MRPS28: variants seen among roughly 807,000 people sequenced by gnomAD.
MRPS28 encodes the protein mitochondrial ribosomal protein S28.
Under a neutral mutation model 10.8 loss-of-function variants are expected in MRPS28, and 7 were observed. The ratio of observed to expected loss-of-function variants is 0.65; its 90% CI spans 0.37 to 1.22. The LOEUF (loss-of-function observed/expected upper bound fraction) is 1.22, where lower values mean the gene tolerates loss of function less well. Ranked by LOEUF, MRPS28 falls within the 50% of genes most tolerant of loss-of-function variation. The probability of loss-of-function intolerance (pLI) is 0.02; values close to 1 mark genes in which losing one functional copy is unlikely to be tolerated. For missense variants in MRPS28, 265 were observed against 232.9 expected (o/e 1.14, Z -0.90); for synonymous variants, 121 against 93.3 (o/e 1.30, Z -1.71).
intron 2 of MRPS28, among the ~76,000 whole-genome samples, chr8:79,968,930 C>T (rs1310106587): frequency 1.3e-5 from 2 of 151,984 alleles, no homozygotes; most frequent in African/African-American, 4.8e-5. Flanking sequence ...TGTACTTGGA[C>T]AAGTTAATTG....
chr8:79,975,404 T>C (rs557160142), intron 2 of MRPS28, among the ~76,000 whole-genome samples: 1 of 152,256 alleles, frequency 6.6e-6, no homozygotes. Flanking sequence ...AGTATGTAAG[T>C]ATGGTACCCA....
At chr8:80,014,917 G>A (rs993649461) in intron 1 of MRPS28, among the ~76,000 whole-genome samples, 1 of 152,142 alleles carries the variant, frequency 6.6e-6, no homozygotes, top group African/African-American at 2.4e-5. Context: ...TGAGAGGTGG[G>A]GGTCACAGGG....
intron 2 of MRPS28, among the ~76,000 whole-genome samples, chr8:79,990,703 C>G (rs1808337429): frequency 3.3e-5 from 5 of 151,746 alleles, no homozygotes. Context: ...GAGAAAGTCA[C>G]TGTGGGATAG....
At chr8:80,023,709 T>A (rs943943886) in intron 1 of MRPS28, among the ~76,000 whole-genome samples, 8 of 152,218 alleles carry the variant, frequency 5.3e-5, no homozygotes, top group African/African-American at 1.9e-4. Context: ...TTTTCCAATG[T>A]TCTGAAAAGT....
chr8:79,933,444 C>T (rs538864221), intron 2 of MRPS28, among the ~76,000 whole-genome samples: 23 of 152,312 alleles, frequency 1.5e-4, no homozygotes, highest in African/African-American at 4.3e-4. Flanking sequence ...AATACAGTCA[C>T]GCTGGAAACT....
chr8:79,962,060 T>C (rs1188366410), intron 2 of MRPS28, among the ~76,000 whole-genome samples: 1 of 152,118 alleles, frequency 6.6e-6, no homozygotes, highest in African/African-American at 2.4e-5. Context: ...TAGAACATAT[T>C]TAATACTTAA....
intron 1 of MRPS28, among the ~76,000 whole-genome samples, chr8:80,011,952 G>A (rs1252291282): frequency 6.6e-6 from 1 of 152,056 alleles, no homozygotes; most frequent in African/African-American, 2.4e-5. Flanking sequence ...ATAGTAAGTG[G>A]TATTTTCCCC....
chr8:79,964,272 G>A (rs1252671589), intron 2 of MRPS28, among the ~76,000 whole-genome samples: 1 of 152,066 alleles, frequency 6.6e-6, no homozygotes, highest in East Asian at 1.9e-4. Flanking sequence ...ATTGTCCCAA[G>A]CACATACACA....
intron 2 of MRPS28, among the ~76,000 whole-genome samples, chr8:79,987,882 G>T (rs936551836): frequency 2.0e-5 from 3 of 152,164 alleles, no homozygotes; most frequent in African/African-American, 7.2e-5. Flanking sequence ...CAGGGATCTA[G>T]AACTAGAAGT....
intron 2 of MRPS28, among the ~76,000 whole-genome samples, chr8:79,999,479 G>C (rs1808598743): frequency 6.6e-6 from 1 of 152,198 alleles, no homozygotes; most frequent in South Asian, 2.1e-4. Context: ...ATAAGTGACA[G>C]ATCCCTATAA....
intron 1 of MRPS28, among the ~76,000 whole-genome samples, chr8:80,005,360 C>A (rs1808805782): frequency 6.6e-6 from 1 of 152,118 alleles, no homozygotes; most frequent in African/African-American, 2.4e-5. Context: ...GAATTTTCAA[C>A]ACAGAATTTC....
chr8:80,002,262 T>C (rs756576611), intron 2 of MRPS28, among the ~76,000 whole-genome samples: 15 of 152,246 alleles, frequency 9.9e-5, no homozygotes, highest in East Asian at 1.9e-4. Flanking sequence ...TAAAATACCA[T>C]TGATTACTAG....
At chr8:79,925,461 T>G (rs1476135276) in intron 2 of MRPS28, among the ~76,000 whole-genome samples, 6 of 152,218 alleles carry the variant, frequency 3.9e-5, no homozygotes, top group Admixed American at 6.5e-5. Context: ...AATATATAAT[T>G]TTCAAGTTCT....
At chr8:80,015,285 GTGT>G (rs1009174270) in intron 1 of MRPS28, among the ~76,000 whole-genome samples, 27 of 152,156 alleles carry the variant, frequency 1.8e-4, no homozygotes, top group African/African-American at 5.6e-4. Context: ...TATCAAACAG[GTGT>G]TGTCTTTTTA....
At chr8:79,935,813 C>A (rs2129912836) in intron 2 of MRPS28, among the ~76,000 whole-genome samples, 1 of 151,926 alleles carries the variant, frequency 6.6e-6, no homozygotes, top group African/African-American at 2.4e-5. Flanking sequence ...GTATTTTACA[C>A]CAAGAAAGAC....
At chr8:79,921,884 G>C (rs1419366888) in intron 2 of MRPS28, among the ~76,000 whole-genome samples, 1 of 152,162 alleles carries the variant, frequency 6.6e-6, no homozygotes, top group Non-Finnish European at 1.5e-5. Flanking sequence ...AATGCTTCCA[G>C]TTTTTGCCCA....
At chr8:79,954,320 A>G (rs1807151262) in intron 2 of MRPS28, among the ~76,000 whole-genome samples, 1 of 152,172 alleles carries the variant, frequency 6.6e-6, no homozygotes, top group Non-Finnish European at 1.5e-5. Context: ...ATGACCAGCA[A>G]TTTTACATAT....
chr8:79,979,410 A>T (rs1360799181), intron 2 of MRPS28, among the ~76,000 whole-genome samples: 1 of 152,214 alleles, frequency 6.6e-6, no homozygotes, highest in Non-Finnish European at 1.5e-5. Flanking sequence ...GGGAGAAGCT[A>T]GATATGTTGT....
rs140219860 is a variant in MRPS28 at position 79,993,113 on chromosome 8, A to G, written c.395+9886T>C. On this transcript the variant is annotated intron_variant, in intron 2 of 2. Transcript: ENST00000276585. ...CTTTTAAAATAGCTTTTAATTCTTAAAAAATCCACTTGTAGGTCACTAGAA... is the reference window on the plus strand; with the variant it reads ...CTTTTAAAATAGCTTTTAATTCTTAGAAAATCCACTTGTAGGTCACTAGAA... Among the ~76,000 whole-genome samples the G allele has an allele frequency of 6.1e-4, 93 of 152,330 alleles. 3 individuals carry two copies. The East Asian group carries it at 0.018, about 29-fold the overall frequency.
Sources: allele counts gnomAD v4.1 joint callset (sites outside exome capture counted in the v4.1 genomes callset), GRCh38; gene constraint gnomAD v4.1.1; transcripts MANE v1.5; gene names NCBI Gene and HGNC (gene_info 2026-07-23, HGNC 2026-07-21).